Variants in ACYP2 observed in about 807,000 individuals in gnomAD.
ACYP2 encodes the protein acylphosphatase-2.
ACYP2 carries 12 observed loss-of-function variants against 11.2 expected under a neutral mutation model. That is an observed-to-expected ratio of 1.08 (90% CI 0.69 to 1.74). The LOEUF is 1.74. ACYP2 is among the 40% of genes most tolerant of loss of function. ACYP2 has a pLI of 0.00. For synonymous variants in ACYP2, 43 were observed against 32.2 expected, an observed-to-expected ratio of 1.33 and a Z score of -1.13; for missense variants, 134 against 101.9, an observed-to-expected ratio of 1.31 and a Z score of -1.35.
rs566973824 is a variant in ACYP2 at position 54,209,533 on chromosome 2, A to G, written c.404+70785A>G. On this transcript the variant is annotated intron_variant, in intron 6 of 6. Coordinates refer to ENST00000607452, the MANE Select transcript of ACYP2 (RefSeq NM_001320586.2). ...TGTTTGGACTCATTTTCTTTGGACCAGACTAGAATAAGCTGAGTGAGAAAA... is the reference window on the plus strand; with the variant it reads ...TGTTTGGACTCATTTTCTTTGGACCGGACTAGAATAAGCTGAGTGAGAAAA... Among the ~76,000 whole-genome samples the G allele has an allele frequency of 1.7e-4, 26 of 152,326 alleles. No homozygotes were observed. The South Asian group carries it at 4.4e-3, about 25-fold the overall frequency.
chr2:53,988,564 C>CTA (rs532583443), intron 2 of ACYP2, among the ~76,000 whole-genome samples: 34 of 151,994 alleles, frequency 2.2e-4, no homozygotes, highest in African/African-American at 7.0e-4. Flanking sequence ...CCATGCCTGG[C>CTA]TATATATATG....
intron 6 of ACYP2, among the ~76,000 whole-genome samples, chr2:54,188,931 C>A (rs1435312086): frequency 6.6e-6 from 1 of 152,216 alleles, no homozygotes; most frequent in East Asian, 1.9e-4. Flanking sequence ...TACTCTGGAT[C>A]CTAGCCCACC....
At chr2:54,020,018 C>T (rs2104545205) in intron 2 of ACYP2, among the ~76,000 whole-genome samples, 1 of 152,142 alleles carries the variant, frequency 6.6e-6, no homozygotes. Context: ...TCTCGGCTCA[C>T]TGCAACCTCC....
chr2:54,266,816 A>G (rs1175821230), intron 6 of ACYP2, among the ~76,000 whole-genome samples: 1 of 151,558 alleles, frequency 6.6e-6, no homozygotes, highest in Non-Finnish European at 1.5e-5. Context: ...TCACCGTGTT[A>G]GCCAGGATGT....
intron 6 of ACYP2, among the ~76,000 whole-genome samples, chr2:54,227,643 C>A (rs1363280596): frequency 6.6e-6 from 1 of 151,888 alleles, no homozygotes; most frequent in Non-Finnish European, 1.5e-5. Context: ...AAAATATGCA[C>A]ACTAATTCTG....
At chr2:54,097,001 C>T (rs201456638) in intron 4 of ACYP2, among the ~76,000 whole-genome samples, 1 of 152,228 alleles carries the variant, frequency 6.6e-6, no homozygotes, top group Non-Finnish European at 1.5e-5. Flanking sequence ...TGAGCCCCCA[C>T]ATCCAGCCTG....
chr2:54,090,172 T>G (rs1678151180), intron 4 of ACYP2, among the ~76,000 whole-genome samples: 1 of 151,832 alleles, frequency 6.6e-6, no homozygotes, highest in African/African-American at 2.4e-5. Flanking sequence ...TGCCCATGTG[T>G]TCTTCACTGT....
chr2:53,994,088 T>C (rs1032796461), intron 2 of ACYP2, among the ~76,000 whole-genome samples: 4 of 152,092 alleles, frequency 2.6e-5, no homozygotes, highest in Non-Finnish European at 5.9e-5. Flanking sequence ...CCCAGCACTT[T>C]GGGAGTCCAA....
intron 4 of ACYP2, among the ~76,000 whole-genome samples, chr2:54,068,282 A>G (rs771963307): frequency 6.6e-6 from 1 of 152,178 alleles, no homozygotes; most frequent in Non-Finnish European, 1.5e-5. Flanking sequence ...TTCCTACCTT[A>G]TAAAAGATCT....
At chr2:53,984,973 C>G (rs555324711) in intron 2 of ACYP2, among the ~76,000 whole-genome samples, 1 of 151,846 alleles carries the variant, frequency 6.6e-6, no homozygotes, top group African/African-American at 2.4e-5. Flanking sequence ...AAGAACAAAA[C>G]AAGGATGTTA....
chr2:54,094,229 ATT>A (rs540021527), intron 4 of ACYP2, among the ~76,000 whole-genome samples: 4 of 142,122 alleles, frequency 2.8e-5, no homozygotes, highest in Admixed American at 7.0e-5. Context: ...GAGAAAAAAA[ATT>A]TTTTTTTTTT....
At chr2:54,123,834 G>T (rs1011839212) in intron 4 of ACYP2, among the ~76,000 whole-genome samples, 47 of 152,156 alleles carry the variant, frequency 3.1e-4, no homozygotes, top group Admixed American at 2.8e-3. Flanking sequence ...GTCAGCCCCT[G>T]TTGAAGAGCT....
At chr2:54,251,191 A>G (rs1687206861) in intron 6 of ACYP2, among the ~76,000 whole-genome samples, 1 of 152,246 alleles carries the variant, frequency 6.6e-6, no homozygotes, top group Admixed American at 6.5e-5. Flanking sequence ...CCATGCCTAG[A>G]TAATTCAGTG....
intron 6 of ACYP2, among the ~76,000 whole-genome samples, chr2:54,268,442 G>A (rs978964375): frequency 1.3e-5 from 2 of 152,136 alleles, no homozygotes; most frequent in African/African-American, 4.8e-5. Context: ...AAAAGGCAAA[G>A]TAAGGGAACT....
intron 4 of ACYP2, among the ~76,000 whole-genome samples, chr2:54,093,703 G>A (rs1376137198): frequency 1.3e-5 from 2 of 152,248 alleles, no homozygotes; most frequent in East Asian, 3.8e-4. Flanking sequence ...CACTTCGGGA[G>A]GCCGAGGCGG....
intron 4 of ACYP2, among the ~76,000 whole-genome samples, chr2:54,124,462 C>T (rs938958428): frequency 6.6e-6 from 1 of 152,160 alleles, no homozygotes; most frequent in Non-Finnish European, 1.5e-5. Context: ...TCCCAAAGTG[C>T]TGGGATTACA....
At chr2:54,162,746 G>A (rs1320295412) in intron 6 of ACYP2, among the ~76,000 whole-genome samples, 1 of 152,122 alleles carries the variant, frequency 6.6e-6, no homozygotes, top group Non-Finnish European at 1.5e-5. Flanking sequence ...GGGGAAGATT[G>A]TTTGAGCCCA....
intron 6 of ACYP2, among the ~76,000 whole-genome samples, chr2:54,252,074 A>T (rs1572994652): frequency 6.6e-6 from 1 of 152,194 alleles, no homozygotes; most frequent in Admixed American, 6.5e-5. Flanking sequence ...TAAATCTCAG[A>T]CCCGTCACTG....
At chr2:54,295,085 G>T (rs973270447) in intron 6 of ACYP2, among the ~76,000 whole-genome samples, 2 of 152,140 alleles carry the variant, frequency 1.3e-5, no homozygotes, top group African/African-American at 4.8e-5. Flanking sequence ...CATATGACTA[G>T]GCTTGCAGGA....
Sources: allele counts gnomAD v4.1 joint callset (sites outside exome capture counted in the v4.1 genomes callset), GRCh38; gene constraint gnomAD v4.1.1; transcripts MANE v1.5; gene names NCBI Gene and HGNC (gene_info 2026-07-23, HGNC 2026-07-21).